The following SPARCL1 variants were observed in gnomAD, a reference collection of about 807,000 sequenced individuals.
The protein encoded by SPARCL1 is SPARC like 1, also known as SPARC-like protein 1.
In SPARCL1, 52 loss-of-function variants were observed where a neutral mutation model predicts 67.1. The ratio of observed to expected loss-of-function variants is 0.78; its 90% CI spans 0.62 to 0.98. The LOEUF is 0.98. SPARCL1 is among the 50% of genes least tolerant of loss of function. SPARCL1 has a pLI of 0.00. For synonymous variants in SPARCL1, 226 were observed against 267.8 expected, an observed-to-expected ratio of 0.84 and a Z score of 1.52; for missense variants, 717 against 782.4, an observed-to-expected ratio of 0.92 and a Z score of 1.00.
intron 8 of SPARCL1, among the ~76,000 whole-genome samples, chr4:87,480,965 G>C (rs1723799212): frequency 6.6e-6 from 1 of 151,940 alleles, no homozygotes; most frequent in Admixed American, 6.6e-5. Flanking sequence ...TGCCCACTCA[G>C]TCTTGCTTTC....
At chr4:87,491,940 ACCCAC>A (rs778082589) in intron 4 of SPARCL1, among the ~76,000 whole-genome samples, 1 of 10,426 alleles carries the variant, frequency 9.6e-5, no homozygotes, top group African/African-American at 5.3e-4. Context: ...CTCCATCTCT[ACCCAC>A]CCCCCCCCCC....
At position 87,493,620 on chromosome 4, in the gene SPARCL1, C is replaced by T. The variant is rs1253908338; in HGVS notation, c.1180G>A (p.Glu394Lys). Residue 394 changes from glutamate to lysine, a missense_variant, in exon 4 of 11, where the codon GAA becomes AAA. Physicochemically the swap from Glu to Lys is moderately conservative, Grantham distance 56. Coordinates refer to ENST00000282470, the MANE Select transcript of SPARCL1 (RefSeq NM_004684.6). ...CCAGGCTCAGTGGTACCTATATTTT[C>T]ATTTTCATGTACTTTTTCTCTTTGC... is the stretch of plus-strand genomic sequence containing the variant. ...EEQREKVHENENIGTTEPGEH... is the reference protein window; with the variant it reads ...EEQREKVHENKNIGTTEPGEH... 2.5e-6 allele frequency: 4 copies of T among 1,613,098 alleles called. No individual in the cohort carries two copies. In the African/African-American group the frequency reaches 5.3e-5, roughly 22 times the overall value.
chr4:87,480,789 C>T (rs1313078984), intron 8 of SPARCL1, among the ~76,000 whole-genome samples: 1 of 148,596 alleles, frequency 6.7e-6, no homozygotes, highest in Non-Finnish European at 1.5e-5. Flanking sequence ...GTATGTTTTG[C>T]CTCTTTCTTT....
At chr4:87,482,620 C>T in intron 7 of SPARCL1, 60 bp from the exon 8 acceptor site, 1 of 1,587,836 alleles carries the variant, frequency 6.3e-7, no homozygotes, top group African/African-American at 1.3e-5. Flanking sequence ...ATGGCAAGTC[C>T]TCATAATAGG....
At chr4:87,516,390 C>CTCAAATGT (rs61507447) in intron 1 of SPARCL1, among the ~76,000 whole-genome samples, 8,545 of 152,156 alleles carry the variant, frequency 0.056, 757 homozygotes, top group African/African-American at 0.19. Flanking sequence ...TGGAATAGCA[C>CTCAAATGT]TCAAATGTAC....
At chr4:87,473,853 A>C in intron 10 of SPARCL1, 50 bp from the exon 11 acceptor site, 1 of 1,290,600 alleles carries the variant, frequency 7.7e-7, no homozygotes, top group African/African-American at 1.5e-5. Flanking sequence ...TAGCCAGAGT[A>C]GTAGCACAAA....
chr4:87,518,252 C>T (rs1246109361), intron 1 of SPARCL1, among the ~76,000 whole-genome samples: 1 of 152,096 alleles, frequency 6.6e-6, no homozygotes, highest in Non-Finnish European at 1.5e-5. Flanking sequence ...ACAGCTTGCC[C>T]ACAGCTGGTC....
At chr4:87,496,087 T>A (rs1176265806) in intron 2 of SPARCL1, among the ~76,000 whole-genome samples, 1 of 152,146 alleles carries the variant, frequency 6.6e-6, no homozygotes, top group African/African-American at 2.4e-5. Context: ...CAGTGATGCA[T>A]GATGGGGAAG....
In SPARCL1 at chr4:87,493,629, G is replaced by T. The variant is rs1411963817; in HGVS notation, c.1171C>A (p.His391Asn). The T allele has an allele frequency of 1.2e-6, 2 of 1,613,646 alleles. No homozygotes were observed. The highest frequency in any genetic ancestry group is 1.7e-6 in the Non-Finnish European group (2 of 1,179,764). The change falls in exon 4 of 11, where the codon CAT becomes AAT. Residue 391 changes from histidine to asparagine, a missense_variant. His to Asn is a moderately conservative substitution (Grantham distance 68). Transcript: ENST00000282470. ...GTGGTACCTATATTTTCATTTTCAT[G>T]TACTTTTTCTCTTTGCTCCTCAATT... ...LKIEEQREKV[H>N]ENENIGTTEP...
At chr4:87,502,026 C>T (rs969215734) in intron 1 of SPARCL1, among the ~76,000 whole-genome samples, 11 of 151,288 alleles carry the variant, frequency 7.3e-5, no homozygotes, top group African/African-American at 2.7e-4. Context: ...TGGTATCAAA[C>T]TCCTGAGCTC....
chr4:87,503,924 C>T (rs1196332281), intron 1 of SPARCL1, among the ~76,000 whole-genome samples: 1 of 151,978 alleles, frequency 6.6e-6, no homozygotes. Flanking sequence ...AACTGGTCCA[C>T]CTGCCTCGGC....
intron 2 of SPARCL1, among the ~76,000 whole-genome samples, chr4:87,496,632 C>T (rs1296987102): frequency 6.6e-6 from 1 of 152,100 alleles, no homozygotes; most frequent in African/African-American, 2.4e-5. Context: ...TAAGGAGTTG[C>T]CCAACTGAAA....
At chr4:87,505,724 G>GGTTT (rs55992030) in intron 1 of SPARCL1, among the ~76,000 whole-genome samples, 6,695 of 141,044 alleles carry the variant, frequency 0.047, 264 homozygotes, top group Non-Finnish European at 0.072. Context: ...TCAGCTAATT[G>GGTTT]TTTTTTTTTT....
intron 1 of SPARCL1, among the ~76,000 whole-genome samples, chr4:87,518,587 G>A (rs1204048793): frequency 6.6e-6 from 1 of 152,192 alleles, no homozygotes; most frequent in Non-Finnish European, 1.5e-5. Context: ...AAGCTAATGA[G>A]TACAAGATCA....
Position 87,491,683 on chromosome 4 carries a change from T to C in SPARCL1, c.1226A>G (p.Lys409Arg), listed in dbSNP as rs923251969. ...TEPGEHQEAK[K>R]AENSSNEEET... ...CTCCTCATTTGATGAGTTCTCTGCT[T>C]TCTTGGCCTTTAGAATAACAAGAGC... is the stretch of plus-strand genomic sequence containing the variant. The change falls in exon 5 of 11, where the codon AAA becomes AGA. Residue 409 changes from lysine (K) to arginine (R), a missense_variant. Coordinates refer to ENST00000282470, the MANE Select transcript of SPARCL1 (RefSeq NM_004684.6). The C allele has an allele frequency of 1.1e-5, 18 of 1,612,816 alleles. No individual in the cohort carries two copies. Among genetic ancestry groups the C allele is most frequent in the Non-Finnish European group, 1.5e-5 (18 of 1,178,920 alleles).
At chr4:87,527,108 A>C (rs181635733) in intron 1 of SPARCL1, among the ~76,000 whole-genome samples, 2 of 152,232 alleles carry the variant, frequency 1.3e-5, no homozygotes, top group Admixed American at 1.3e-4. Flanking sequence ...TGGAACAATC[A>C]TCAAGACCAT....
At chr4:87,481,385 C>T (rs1375954367) in intron 8 of SPARCL1, among the ~76,000 whole-genome samples, 1 of 152,194 alleles carries the variant, frequency 6.6e-6, no homozygotes, top group African/African-American at 2.4e-5. Context: ...CTCTTGTACT[C>T]ACTTTCCACT....
intron 7 of SPARCL1, among the ~76,000 whole-genome samples, chr4:87,482,996 C>A (rs1723894286): frequency 6.6e-6 from 1 of 151,570 alleles, no homozygotes; most frequent in Non-Finnish European, 1.5e-5. Context: ...AAACAGAAGT[C>A]AATTTTGCAA....
intron 1 of SPARCL1, among the ~76,000 whole-genome samples, chr4:87,507,184 A>G (rs1725119689): frequency 6.6e-6 from 1 of 152,186 alleles, no homozygotes; most frequent in Admixed American, 6.5e-5. Context: ...GGAATTAGGC[A>G]CATGGAATGC....
Sources: allele counts gnomAD v4.1 joint callset (sites outside exome capture counted in the v4.1 genomes callset), GRCh38; gene constraint gnomAD v4.1.1; transcripts MANE v1.5; gene names NCBI Gene and HGNC (gene_info 2026-07-23, HGNC 2026-07-21).